Variants in SMARCA2 observed in about 807,000 individuals in gnomAD.
SMARCA2 encodes the protein SWI/SNF-related matrix-associated actin-dependent regulator of chromatin subfamily A member 2.
In SMARCA2, 61 loss-of-function variants were observed where a neutral mutation model predicts 199.8. That is an observed-to-expected ratio of 0.31 (90% CI 0.25 to 0.38). The LOEUF is 0.38. Among genes scored for constraint, SMARCA2 ranks in the 10% least tolerant of loss-of-function variants. SMARCA2 has a pLI of 1.00. For missense variants in SMARCA2, 1,344 were observed against 2,012.2 expected (o/e 0.67, Z 6.35); for synonymous variants, 935 against 732.0 (o/e 1.28, Z -4.48).
chr9:2,159,042 TAGC>T (rs1308761766), intron 27 of SMARCA2: 1 of 1,576,996 alleles, frequency 6.3e-7, no homozygotes, highest in African/African-American at 1.3e-5. Flanking sequence ...CTGCACGTAT[TAGC>T]AGTTGTAATA....
intron 32 of SMARCA2, among the ~76,000 whole-genome samples, chr9:2,189,531 C>A (rs944078467): frequency 1.3e-5 from 2 of 152,136 alleles, no homozygotes; most frequent in Non-Finnish European, 2.9e-5. Context: ...TCTTTCCACA[C>A]TGTTTAGAAA....
At chr9:2,181,813 G>T in intron 30 of SMARCA2, 137 bp downstream of exon 30, 1 of 625,906 alleles carries the variant, frequency 1.6e-6, no homozygotes. Context: ...GGATGTCCTT[G>T]TGCTTTTCCG....
At chr9:2,128,346 G>C (rs1374197601) in intron 27 of SMARCA2, among the ~76,000 whole-genome samples, 1 of 152,176 alleles carries the variant, frequency 6.6e-6, no homozygotes, top group Admixed American at 6.5e-5. Context: ...TCTGGAGCCT[G>C]GCCACAGGCA....
chr9:2,174,924 C>CAAAAAAAAAAAAAA (rs61327057), intron 29 of SMARCA2, among the ~76,000 whole-genome samples: 8 of 62,296 alleles, frequency 1.3e-4, no homozygotes, highest in African/African-American at 3.6e-4. Flanking sequence ...GACCCTCTCT[C>CAAAAAAAAAAAAAA]AAAAAAAAAA....
intron 29 of SMARCA2, among the ~76,000 whole-genome samples, chr9:2,179,536 T>C (rs1198040143): frequency 1.3e-5 from 2 of 152,184 alleles, no homozygotes; most frequent in African/African-American, 2.4e-5. Flanking sequence ...TCTGGACTTG[T>C]CTCCTTATGG....
At chr9:2,054,845 G>A in intron 6 of SMARCA2, 122 bp downstream of exon 6, 1 of 971,050 alleles carries the variant, frequency 1.0e-6, no homozygotes, top group Non-Finnish European at 1.5e-6. Context: ...TATAAATATA[G>A]TAAAATAGTG....
chr9:2,055,301 A>C (rs1820303312), intron 6 of SMARCA2, among the ~76,000 whole-genome samples: 1 of 152,232 alleles, frequency 6.6e-6, no homozygotes, highest in Admixed American at 6.5e-5. Flanking sequence ...TGTAGTTTAC[A>C]GCAGTTATTA....
intron 3 of SMARCA2, among the ~76,000 whole-genome samples, chr9:2,034,746 G>A (rs1322256734): frequency 2.0e-5 from 3 of 152,174 alleles, no homozygotes; most frequent in African/African-American, 7.2e-5. Flanking sequence ...AGGCATAGGA[G>A]TGCCTCCCCA....
At chr9:2,177,996 T>C (rs1392338940) in intron 29 of SMARCA2, among the ~76,000 whole-genome samples, 9 of 151,730 alleles carry the variant, frequency 5.9e-5, no homozygotes, top group African/African-American at 2.2e-4. Context: ...GGAATTATAC[T>C]TTTGGTTTGT....
intron 20 of SMARCA2, 181 bp from the exon 21 acceptor site, chr9:2,097,204 A>G: frequency 7.4e-6 from 4 of 540,154 alleles, no homozygotes; most frequent in Non-Finnish European, 1.3e-5. Flanking sequence ...ATCACAAGAA[A>G]GACATTATGT....
intron 29 of SMARCA2, among the ~76,000 whole-genome samples, chr9:2,179,038 G>C (rs1365832535): frequency 6.6e-6 from 1 of 152,190 alleles, no homozygotes; most frequent in Non-Finnish European, 1.5e-5. Flanking sequence ...TCTGGACAAT[G>C]GGTTCTTGGT....
intron 28 of SMARCA2, among the ~76,000 whole-genome samples, chr9:2,164,046 G>C (rs1825819165): frequency 6.6e-6 from 1 of 152,224 alleles, no homozygotes; most frequent in South Asian, 2.1e-4. Flanking sequence ...GCATGAAGAA[G>C]TGGCCATCCT....
chr9:2,188,522 C>A (rs1374320785), intron 32 of SMARCA2, among the ~76,000 whole-genome samples: 1 of 152,170 alleles, frequency 6.6e-6, no homozygotes, highest in African/African-American at 2.4e-5. Flanking sequence ...ACATCTGCAT[C>A]ATCTATTTTA....
chr9:2,027,158 G>A (rs965684654), intron 1 of SMARCA2, among the ~76,000 whole-genome samples: 1 of 152,178 alleles, frequency 6.6e-6, no homozygotes, highest in Admixed American at 6.5e-5. Flanking sequence ...AAAATTAACT[G>A]AAGCTGGCTA....
At chr9:2,163,983 C>A (rs935734771) in intron 28 of SMARCA2, among the ~76,000 whole-genome samples, 1 of 150,654 alleles carries the variant, frequency 6.6e-6, no homozygotes, top group Non-Finnish European at 1.5e-5. Flanking sequence ...TTTTGAAAAA[C>A]CAGAAACTCT....
In SMARCA2 at chr9:2,016,656, G is replaced by A. The variant is rs905297976; in HGVS notation, c.-37+1252G>A. Among the ~76,000 whole-genome samples, 5 of 150,484 alleles carry A rather than the reference G, an allele frequency of 3.3e-5. No homozygotes were observed. The highest frequency in any genetic ancestry group is 1.2e-4 in the African/African-American group (5 of 40,794). On this transcript the variant is annotated intron_variant, in intron 1 of 33. Coordinates refer to ENST00000349721, the MANE Select transcript of SMARCA2 (RefSeq NM_003070.5). The surrounding 1 kb of genome is among the most constrained non-coding windows in gnomAD (Gnocchi z 5.6). ...TGTGGTTCGCCCGGGAAGGGGAAGG[G>A]CTGCGGTGGGGAGGGAATAGGGGGG...
chr9:2,179,712 A>G (rs547695004), intron 29 of SMARCA2, among the ~76,000 whole-genome samples: 1 of 152,282 alleles, frequency 6.6e-6, no homozygotes, highest in East Asian at 1.9e-4. Flanking sequence ...ACAGGTGTAC[A>G]GAGATGTGCC....
At chr9:2,083,676 A>T (rs1480642137) in intron 16 of SMARCA2, among the ~76,000 whole-genome samples, 1 of 152,226 alleles carries the variant, frequency 6.6e-6, no homozygotes, top group East Asian at 1.9e-4. Context: ...CAAATATCAC[A>T]CATTCTGCGT....
chr9:2,140,534 C>G (rs1365176874), intron 27 of SMARCA2, among the ~76,000 whole-genome samples: 1 of 152,174 alleles, frequency 6.6e-6, no homozygotes. Flanking sequence ...TTTGTAATCA[C>G]AACCCCCAAA....
Sources: allele counts gnomAD v4.1 joint callset (sites outside exome capture counted in the v4.1 genomes callset), GRCh38; gene constraint gnomAD v4.1.1; non-coding constraint Gnocchi (gnomAD v3.1); transcripts MANE v1.5; gene names NCBI Gene and HGNC (gene_info 2026-07-23, HGNC 2026-07-21).